Variants in ZDHHC17 observed in about 807,000 individuals in gnomAD.
ZDHHC17 encodes palmitoyltransferase ZDHHC17.
ZDHHC17 carries 40 observed loss-of-function variants against 90.3 expected under a neutral mutation model. The ratio of observed to expected loss-of-function variants is 0.44; its 90% confidence interval spans 0.34 to 0.58. The LOEUF (loss-of-function observed/expected upper bound fraction) is 0.58. Ranked by LOEUF, ZDHHC17 falls within the 20% of genes least tolerant of loss-of-function variation. The pLI, the probability that ZDHHC17 is intolerant of heterozygous loss-of-function variation, is 0.01. For missense variants in ZDHHC17, 614 were observed against 780.8 expected (o/e 0.79, Z 2.55); for synonymous variants, 235 against 252.4 (o/e 0.93, Z 0.65).
chr12:76,842,318 T>G (rs1592498408), intron 11 of ZDHHC17, among the ~76,000 whole-genome samples: 1 of 152,342 alleles, frequency 6.6e-6, no homozygotes, highest in African/African-American at 2.4e-5. Context: ...ATTTCGTGTT[T>G]CTCTCCCTTA....
At chr12:76,803,163 G>A (rs1952911881) in intron 2 of ZDHHC17, among the ~76,000 whole-genome samples, 1 of 152,096 alleles carries the variant, frequency 6.6e-6, no homozygotes, top group African/African-American at 2.4e-5. Context: ...TGAGGTGGGA[G>A]GATTGCTTGA....
intron 1 of ZDHHC17, among the ~76,000 whole-genome samples, chr12:76,764,997 T>TGAGTGTC (rs1385178591): frequency 6.6e-6 from 1 of 152,244 alleles, no homozygotes; most frequent in Non-Finnish European, 1.5e-5. Flanking sequence ...CATCACAACA[T>TGAGTGTC]GAGTGTCTTC....
intron 1 of ZDHHC17, among the ~76,000 whole-genome samples, chr12:76,790,286 G>C (rs1226348298): frequency 6.6e-6 from 1 of 152,114 alleles, no homozygotes; most frequent in Non-Finnish European, 1.5e-5. Flanking sequence ...TGGATCACTT[G>C]AGGTCAGGAG....
At chr12:76,774,787 A>G (rs1303283862) in intron 1 of ZDHHC17, among the ~76,000 whole-genome samples, 1 of 152,168 alleles carries the variant, frequency 6.6e-6, no homozygotes, top group African/African-American at 2.4e-5. Context: ...CCTTTTGTAG[A>G]TTTTAACCTG....
chr12:76,766,555 A>T (rs368091392), intron 1 of ZDHHC17, among the ~76,000 whole-genome samples: 4 of 152,280 alleles, frequency 2.6e-5, no homozygotes, highest in African/African-American at 9.6e-5. Flanking sequence ...TTGGGAAGAA[A>T]CCCATTCTCT....
Position 76,809,026 on chromosome 12 carries a change from T to A in ZDHHC17, c.321-17T>A, listed in dbSNP as rs765982279. ...AAAATGAAAGTTATTTAAATTATTA[T>A]AAATTTTGTCTTATAGATACTATAT... On this transcript the variant is annotated splice_polypyrimidine_tract_variant and intron_variant, in intron 3 of 16. Transcript: ENST00000426126. 2.8e-6 allele frequency: 4 copies of A among 1,433,148 alleles called. No individual in the cohort carries two copies. Among genetic ancestry groups the A allele is most frequent in the Non-Finnish European group, 3.7e-6 (4 of 1,082,742 alleles). 88.8% of individuals were successfully genotyped at this position (1,433,148 alleles called of 1,614,324 possible).
At chr12:76,827,255 A>G (rs1174281160) in intron 9 of ZDHHC17, among the ~76,000 whole-genome samples, 1 of 152,192 alleles carries the variant, frequency 6.6e-6, no homozygotes, top group Non-Finnish European at 1.5e-5. Flanking sequence ...AAAAGCTAGC[A>G]TATAATTTTT....
intron 1 of ZDHHC17, among the ~76,000 whole-genome samples, chr12:76,779,455 G>T (rs1230795568): frequency 6.6e-6 from 1 of 152,038 alleles, no homozygotes. Context: ...TGTGTGCAGG[G>T]GAACTCCCAT....
intron 1 of ZDHHC17, among the ~76,000 whole-genome samples, chr12:76,780,684 T>C (rs1283344949): frequency 6.6e-6 from 1 of 152,214 alleles, no homozygotes; most frequent in East Asian, 1.9e-4. Flanking sequence ...TTAAATCCAA[T>C]GATTACTTGC....
intron 1 of ZDHHC17, among the ~76,000 whole-genome samples, chr12:76,775,404 T>C (rs951189552): frequency 6.6e-6 from 1 of 152,184 alleles, no homozygotes; most frequent in Non-Finnish European, 1.5e-5. Context: ...ATTGAAACTC[T>C]AAGTTGAACA....
At chr12:76,794,211 T>A (rs1952793861) in intron 1 of ZDHHC17, among the ~76,000 whole-genome samples, 1 of 152,192 alleles carries the variant, frequency 6.6e-6, no homozygotes, top group African/African-American at 2.4e-5. Flanking sequence ...AAGAGTTTAA[T>A]GAACTAAATA....
chr12:76,848,498 CATTTT>C (rs1953522492), intron 15 of ZDHHC17, 108 bp downstream of exon 15: 1 of 1,199,380 alleles, frequency 8.3e-7, no homozygotes, highest in African/African-American at 1.5e-5. Flanking sequence ...TTCAAATATT[CATTTT>C]ATTTTTCAAT....
intron 1 of ZDHHC17, among the ~76,000 whole-genome samples, chr12:76,783,455 G>A (rs543409512): frequency 2.0e-5 from 3 of 152,164 alleles, no homozygotes; most frequent in African/African-American, 7.2e-5. Flanking sequence ...TCTCATAACT[G>A]TCTATTTATG....
chr12:76,799,998 G>A (rs757901431), intron 2 of ZDHHC17, among the ~76,000 whole-genome samples: 1 of 152,084 alleles, frequency 6.6e-6, no homozygotes, highest in Admixed American at 6.5e-5. Flanking sequence ...TATGTTTTAT[G>A]CACCTGTCAC....
chr12:76,815,098 G>C, intron 5 of ZDHHC17, 48 bp from the exon 6 acceptor site: 2 of 1,424,082 alleles, frequency 1.4e-6, no homozygotes, highest in Middle Eastern at 1.8e-4. Flanking sequence ...AATTTGGTTA[G>C]GAACTTATAA....
chr12:76,784,930 GGAATGCCAAA>G (rs1317625688), intron 1 of ZDHHC17, among the ~76,000 whole-genome samples: 2 of 152,180 alleles, frequency 1.3e-5, no homozygotes, highest in Non-Finnish European at 2.9e-5. Flanking sequence ...TTGACTTTCT[GGAATGCCAAA>G]GAATGACAAC....
chr12:76,797,588 A>G, intron 2 of ZDHHC17, 51 bp downstream of exon 2: 1 of 1,374,010 alleles, frequency 7.3e-7, no homozygotes, highest in Non-Finnish European at 1.0e-6. Context: ...TTCAAGTGAA[A>G]TATGAATCTG....
At chr12:76,805,034 GA>G (rs1952939415) in intron 2 of ZDHHC17, among the ~76,000 whole-genome samples, 1 of 152,038 alleles carries the variant, frequency 6.6e-6, no homozygotes, top group Non-Finnish European at 1.5e-5. Flanking sequence ...AGTTTGGTGG[GA>G]TAAGTGGTAA....
intron 10 of ZDHHC17, among the ~76,000 whole-genome samples, chr12:76,841,381 A>G (rs1261726205): frequency 1.3e-5 from 2 of 152,194 alleles, no homozygotes; most frequent in Non-Finnish European, 2.9e-5. Flanking sequence ...GTATTGCTCT[A>G]GCGACATTGC....
Sources: gnomAD v4.1 joint callset for allele counts (sites outside exome capture counted in the v4.1 genomes callset) on GRCh38, gnomAD v4.1.1 for gene constraint, MANE v1.5 for transcripts, NCBI Gene and HGNC (gene_info 2026-07-23, HGNC 2026-07-21) for gene names.